The following BMPR1A variants were observed in gnomAD, a reference collection of about 807,000 sequenced individuals.
BMPR1A encodes the protein bone morphogenetic protein receptor type-1A.
BMPR1A carries 7 observed loss-of-function variants against 66.0 expected under a neutral mutation model. The ratio of observed to expected loss-of-function variants is 0.11; its 90% CI spans 0.06 to 0.20. The LOEUF (loss-of-function observed/expected upper bound fraction) is 0.20. Ranked by LOEUF, BMPR1A falls within the 10% of genes least tolerant of loss-of-function variation. The pLI, the probability that BMPR1A is intolerant of heterozygous loss-of-function variation, is 1.00. For missense variants in BMPR1A, 408 were observed against 669.1 expected (o/e 0.61, Z 4.31); for synonymous variants, 200 against 229.7 (o/e 0.87, Z 1.17).
chr10:86,919,793 G>A (rs1325477733), intron 10 of BMPR1A, among the ~76,000 whole-genome samples: 1 of 151,444 alleles, frequency 6.6e-6, no homozygotes, highest in Non-Finnish European at 1.5e-5. Context: ...CTGCAACCTC[G>A]ACCTCATGGG....
chr10:86,825,565 T>C (rs954848545), intron 1 of BMPR1A, among the ~76,000 whole-genome samples: 9 of 150,582 alleles, frequency 6.0e-5, no homozygotes, highest in Non-Finnish European at 1.0e-4. Context: ...CAGCCTCAAC[T>C]TCCCAGGCTC....
intron 1 of BMPR1A, among the ~76,000 whole-genome samples, chr10:86,782,941 T>C (rs931178002): frequency 6.6e-6 from 1 of 152,230 alleles, no homozygotes; most frequent in African/African-American, 2.4e-5. Context: ...AGCCAAGAAA[T>C]CATTGCCAAA....
intron 1 of BMPR1A, among the ~76,000 whole-genome samples, chr10:86,830,785 T>G (rs1842257886): frequency 6.6e-6 from 1 of 152,186 alleles, no homozygotes; most frequent in East Asian, 1.9e-4. Context: ...TTTTTTGCCT[T>G]CTTAAACAGG....
intron 9 of BMPR1A, among the ~76,000 whole-genome samples, chr10:86,917,679 G>A (rs941781707): frequency 6.6e-6 from 1 of 152,174 alleles, no homozygotes; most frequent in African/African-American, 2.4e-5. Context: ...AGCCCAACAT[G>A]CAGTTTCATT....
chr10:86,892,050 C>T, intron 4 of BMPR1A, 77 bp from the exon 5 acceptor site: 2 of 1,145,050 alleles, frequency 1.7e-6, no homozygotes, highest in South Asian at 1.3e-5. Context: ...TGTACCTGTT[C>T]ACATTCAGAC....
intron 7 of BMPR1A, among the ~76,000 whole-genome samples, chr10:86,901,005 A>G (rs1843300369): frequency 6.6e-6 from 1 of 152,226 alleles, no homozygotes; most frequent in East Asian, 1.9e-4. Flanking sequence ...AGTGACTTCC[A>G]AGTCTACGTT....
chr10:86,857,214 T>C (rs543176671), intron 2 of BMPR1A, among the ~76,000 whole-genome samples: 9 of 152,236 alleles, frequency 5.9e-5, no homozygotes, highest in African/African-American at 2.2e-4. Context: ...GCCTTTCTGG[T>C]GAGCAGACCC....
At chr10:86,864,266 G>A (rs1215156388) in intron 2 of BMPR1A, among the ~76,000 whole-genome samples, 2 of 152,094 alleles carry the variant, frequency 1.3e-5, no homozygotes, top group African/African-American at 2.4e-5. Context: ...GGACCGAAGA[G>A]CTCCCTGTTC....
At chr10:86,841,534 G>A (rs1842423734) in intron 2 of BMPR1A, among the ~76,000 whole-genome samples, 1 of 152,168 alleles carries the variant, frequency 6.6e-6, no homozygotes, top group Admixed American at 6.5e-5. Context: ...GAGTCTTGAT[G>A]GATGAATAGA....
chr10:86,841,718 C>T (rs1272426210), intron 2 of BMPR1A, among the ~76,000 whole-genome samples: 1 of 152,168 alleles, frequency 6.6e-6, no homozygotes, highest in African/African-American at 2.4e-5. Context: ...AGGATGGGGG[C>T]TGGTCAGCAG....
intron 7 of BMPR1A, among the ~76,000 whole-genome samples, chr10:86,905,770 A>G (rs1413139279): frequency 6.6e-6 from 1 of 151,976 alleles, no homozygotes; most frequent in Non-Finnish European, 1.5e-5. Context: ...GTAGTTAAAT[A>G]GTAAGAATTG....
At chr10:86,774,578 G>A (rs559393191) in intron 1 of BMPR1A, among the ~76,000 whole-genome samples, 2 of 152,246 alleles carry the variant, frequency 1.3e-5, no homozygotes, top group South Asian at 4.2e-4. Flanking sequence ...CAAAAGAGAA[G>A]ATGCTCTTTG....
At chr10:86,826,411 AACACACACACACAC>A (rs34389289) in intron 1 of BMPR1A, among the ~76,000 whole-genome samples, 1 of 147,000 alleles carries the variant, frequency 6.8e-6, no homozygotes, top group Non-Finnish European at 1.5e-5. Context: ...CAATCAAGGA[AACACACACACACAC>A]ACACACACAC....
intron 2 of BMPR1A, among the ~76,000 whole-genome samples, chr10:86,861,984 C>T (rs1483980442): frequency 1.3e-5 from 2 of 152,216 alleles, no homozygotes; most frequent in Admixed American, 1.3e-4. Context: ...CTGCTCCATT[C>T]AGTCATTCCC....
At chr10:86,840,859 A>G (rs1433376790) in intron 2 of BMPR1A, among the ~76,000 whole-genome samples, 1 of 152,170 alleles carries the variant, frequency 6.6e-6, no homozygotes, top group Non-Finnish European at 1.5e-5. Context: ...ATGTATCACA[A>G]ATGTTTGAAT....
chr10:86,782,302 A>G (rs755982856), intron 1 of BMPR1A, among the ~76,000 whole-genome samples: 25 of 152,234 alleles, frequency 1.6e-4, no homozygotes, highest in Non-Finnish European at 3.1e-4. Context: ...AAGAGTATGT[A>G]AATATCTCTT....
chr10:86,906,037 C>T (rs537706383), intron 7 of BMPR1A, among the ~76,000 whole-genome samples: 31 of 152,240 alleles, frequency 2.0e-4, no homozygotes, highest in Middle Eastern at 6.8e-3. Flanking sequence ...TGAAGAATTT[C>T]TTTAACCTCT....
At chr10:86,899,731 T>C (rs1843278176) in intron 5 of BMPR1A, 63 bp from the exon 6 acceptor site, 10 of 1,498,960 alleles carry the variant, frequency 6.7e-6, no homozygotes, top group Admixed American at 1.7e-5. Flanking sequence ...TTATGAATAC[T>C]AAAAAGACAT....
intron 1 of BMPR1A, among the ~76,000 whole-genome samples, chr10:86,812,035 G>A (rs1238969620): frequency 6.6e-6 from 1 of 151,342 alleles, no homozygotes; most frequent in African/African-American, 2.4e-5. Context: ...TAAGCTCTGA[G>A]CATGCCACTG....
Sources: gnomAD v4.1 joint callset for allele counts (sites outside exome capture counted in the v4.1 genomes callset) on GRCh38, gnomAD v4.1.1 for gene constraint, MANE v1.5 for transcripts, NCBI Gene and HGNC (gene_info 2026-07-23, HGNC 2026-07-21) for gene names.